Variants in NTSR1 observed in about 807,000 individuals in gnomAD.
The protein encoded by NTSR1 is neurotensin receptor type 1.
Under a neutral mutation model 31.2 loss-of-function variants are expected in NTSR1, and 29 were observed. The ratio of observed to expected loss-of-function variants is 0.93; its 90% CI spans 0.69 to 1.27. NTSR1 has a LOEUF of 1.27. NTSR1 is among the 50% of genes most tolerant of loss of function. The probability of loss-of-function intolerance (pLI) is 0.00; values close to 1 mark genes in which losing one functional copy is unlikely to be tolerated. For missense variants in NTSR1, 697 were observed against 595.4 expected (o/e 1.17, Z -1.78); for synonymous variants, 282 against 269.9 (o/e 1.04, Z -0.44).
intron 1 of NTSR1, among the ~76,000 whole-genome samples, chr20:62,747,541 A>G (rs1470033432): frequency 4.6e-5 from 7 of 151,614 alleles, no homozygotes; most frequent in Non-Finnish European, 1.0e-4. Context: ...TGACAGACCC[A>G]CAGCTAACAC....
rs773188430 is a variant in NTSR1 at position 62,738,649 on chromosome 20, G to A, written c.715-16036G>A. On this transcript the variant is annotated intron_variant, in intron 1 of 3. Coordinates refer to ENST00000370501, the MANE Select transcript of NTSR1 (RefSeq NM_002531.3). ...GTGGCCACAGGCCTCAGCCGTGCCT[G>A]TGTTGGCAGGGAGCCCTGTGCACTG... Among the ~76,000 whole-genome samples, 104 of 152,386 alleles carry A rather than the reference G, an allele frequency of 6.8e-4. 1 individual carries two copies. The highest frequency in any genetic ancestry group is 1.1e-3 in the Non-Finnish European group (74 of 68,034).
At chr20:62,753,019 G>A (rs1042329187) in intron 1 of NTSR1, among the ~76,000 whole-genome samples, 2 of 152,212 alleles carry the variant, frequency 1.3e-5, no homozygotes, top group Non-Finnish European at 2.9e-5. Flanking sequence ...CGAGCAAGGG[G>A]CGCTGGGCTG....
Position 62,744,552 on chromosome 20 carries a change from C to T in NTSR1, c.715-10133C>T, listed in dbSNP as rs1254041843. Among the ~76,000 whole-genome samples the T allele has an allele frequency of 5.2e-5, 7 of 135,754 alleles. No homozygotes were observed. Among genetic ancestry groups the T allele is most frequent in the African/African-American group, 1.7e-4 (6 of 34,704 alleles). 89.1% of individuals were successfully genotyped at this position (135,754 alleles called of 152,430 possible). ...CCTGGGTGACAGAACAAGACTCCGT[C>T]TCAAAAAAAAAAAAAAATACAAAAT... On this transcript the variant is annotated intron_variant, in intron 1 of 3. Transcript: ENST00000370501. The surrounding 1 kb of genome is among the most constrained non-coding windows in gnomAD (Gnocchi z 4.1).
At position 62,709,505 on chromosome 20, in the gene NTSR1, A is replaced by G; in HGVS notation, c.298A>G (p.Thr100Ala). The change falls in exon 1 of 4, where the codon ACG (threonine) becomes GCG (alanine). Residue 100 changes from threonine (T) to alanine (A), a missense_variant. Physicochemically the swap from Thr to Ala is moderately conservative, Grantham distance 58. Coordinates refer to ENST00000370501, the MANE Select transcript of NTSR1 (RefSeq NM_002531.3). ...RKKSLQSLQS[T>A]VHYHLGSLAL... is the part of the protein sequence containing the mutation. ...GAAGTCGCTGCAGAGCCTGCAGAGCACGGTGCATTACCACCTGGGCAGCCT... is the reference window on the plus strand; with the variant it reads ...GAAGTCGCTGCAGAGCCTGCAGAGCGCGGTGCATTACCACCTGGGCAGCCT... 1 of 1,612,566 alleles carries G rather than the reference A, an allele frequency of 6.2e-7. No individual in the cohort carries two copies. Among genetic ancestry groups the G allele is most frequent in the Non-Finnish European group, 8.5e-7 (1 of 1,179,856 alleles).
rs1989595923 is a variant in NTSR1 at position 62,760,284 on chromosome 20, C to T, written c.*17C>T. On this transcript the variant is annotated 3_prime_UTR_variant, in exon 4 of 4. Transcript: ENST00000370501. ...CTGTACTAGGCTGTGCGCCCCGGAA[C>T]GTGTCCAGGAGGAGCCTGGCCATGG... The T allele has an allele frequency of 3.1e-6, 5 of 1,590,412 alleles. No homozygotes were observed. The highest frequency in any genetic ancestry group is 2.2e-5 in the South Asian group (2 of 88,966).
In NTSR1 at chr20:62,741,170, G is replaced by GCT. The variant is rs1989199441; in HGVS notation, c.715-13515_715-13514insCT. On this transcript the variant is annotated intron_variant, in intron 1 of 3. Coordinates refer to ENST00000370501, the MANE Select transcript of NTSR1 (RefSeq NM_002531.3). The surrounding 1 kb of genome is among the most constrained non-coding windows in gnomAD (Gnocchi z 4.3). ...CTAAGGCCCTCTGGGCTAAGTCAGG[G>GCT]GTCTCCCGGCAGCCAGGCTGCTAAG... Among the ~76,000 whole-genome samples the GCT allele has an allele frequency of 1.3e-5, 2 of 150,740 alleles. No homozygotes were observed. Among genetic ancestry groups the GCT allele is most frequent in the East Asian group, 3.9e-4 (2 of 5,126 alleles).
intron 1 of NTSR1, among the ~76,000 whole-genome samples, chr20:62,749,224 G>A (rs188278539): frequency 1.1e-4 from 17 of 152,126 alleles, no homozygotes; most frequent in African/African-American, 4.1e-4. Flanking sequence ...GGCGGATCAC[G>A]AGGTCAGGAG....
chr20:62,754,039 C>G (rs895371873), intron 1 of NTSR1, among the ~76,000 whole-genome samples: 2 of 152,178 alleles, frequency 1.3e-5, no homozygotes, highest in African/African-American at 4.8e-5. Context: ...GTCCAGGACT[C>G]GGATCAGGTG....
At position 62,732,863 on chromosome 20, in the gene NTSR1, C is replaced by T. The variant is rs1989022427; in HGVS notation, c.715-21822C>T. 1 of 152,204 alleles carries T rather than the reference C, an allele frequency of 6.6e-6. No individual in the cohort carries two copies. The highest frequency in any genetic ancestry group is 2.4e-5 in the African/African-American group (1 of 41,424). 9.4% of individuals were successfully genotyped at this position (152,204 alleles called of 1,614,324 possible). A position where few individuals can be genotyped will look rare whatever the true frequency, so the allele number is the denominator to read the frequency against. On this transcript the variant is annotated intron_variant, in intron 1 of 3. Transcript: ENST00000370501. The surrounding 1 kb of genome is among the most constrained non-coding windows in gnomAD (Gnocchi z 4.0). ...CAGGCACGCTGGTTCCCCATCTGAC[C>T]CTCCGCTTGCTTTTCCTCGGGCTCT...
chr20:62,750,937 G>A (rs936335562), intron 1 of NTSR1, among the ~76,000 whole-genome samples: 8 of 152,112 alleles, frequency 5.3e-5, no homozygotes, highest in Admixed American at 2.6e-4. Flanking sequence ...GTGCAGTGGC[G>A]AAGTCATAGC....
At chr20:62,713,551 C>G (rs761717421) in intron 1 of NTSR1, among the ~76,000 whole-genome samples, 3 of 152,238 alleles carry the variant, frequency 2.0e-5, no homozygotes, top group African/African-American at 4.8e-5. Flanking sequence ...AGGCTGTGCC[C>G]AGCAACCTCC....
At position 62,715,073 on chromosome 20, in the gene NTSR1, T is replaced by TG. The variant is rs1284304390; in HGVS notation, c.714+5154dup. On this transcript the variant is annotated intron_variant, in intron 1 of 3. Transcript: ENST00000370501. The surrounding 1 kb of genome is among the most constrained non-coding windows in gnomAD (Gnocchi z 4.7). ...AAGATTGGTCTTAAGTCTGTAATCATGGAAAGTGAGTGTTGATGACATTTT... is the reference window on the plus strand; with the variant it reads ...AAGATTGGTCTTAAGTCTGTAATCATGGGAAAGTGAGTGTTGATGACATTTT... 6.6e-6 allele frequency among the ~76,000 whole-genome samples: 1 copy of TG among 152,186 alleles called. No homozygotes were observed. Among genetic ancestry groups the TG allele is most frequent in the Non-Finnish European group, 1.5e-5 (1 of 68,030 alleles).
chr20:62,719,991 T>G (rs1473441390), intron 1 of NTSR1, among the ~76,000 whole-genome samples: 9 of 152,130 alleles, frequency 5.9e-5, no homozygotes, highest in Non-Finnish European at 1.3e-4. Context: ...GTAGGAAGGT[T>G]TTTATAAATT....
chr20:62,718,648 C>G (rs1988778369), intron 1 of NTSR1, among the ~76,000 whole-genome samples: 1 of 151,526 alleles, frequency 6.6e-6, no homozygotes, highest in Non-Finnish European at 1.5e-5. Flanking sequence ...GCCTCTCGAG[C>G]CGGCCTTCTT....
chr20:62,715,414 C>T lies in NTSR1; in HGVS notation c.714+5493C>T, dbSNP rs536905726. Among the ~76,000 whole-genome samples the T allele has an allele frequency of 6.6e-6, 1 of 152,358 alleles. No individual in the cohort carries two copies. The highest frequency in any genetic ancestry group is 1.9e-4 in the East Asian group (1 of 5,188). On this transcript the variant is annotated intron_variant, in intron 1 of 3. Transcript: ENST00000370501. The surrounding 1 kb of genome is among the most constrained non-coding windows in gnomAD (Gnocchi z 4.7). ...TCACGTGGCTGGAGAGAGACAGGGC[C>T]TGGAGGTGCTCTCAGAAGGGAAGGC... is the stretch of plus-strand genomic sequence containing the variant.
chr20:62,713,450 C>T (rs538299065), intron 1 of NTSR1, among the ~76,000 whole-genome samples: 83 of 152,252 alleles, frequency 5.5e-4, no homozygotes, highest in African/African-American at 2.0e-3. Flanking sequence ...TGGCAGAATT[C>T]CGGGAAAGGA....
rs983904839 is a variant in NTSR1 at position 62,742,928 on chromosome 20, G to A, written c.715-11757G>A. On this transcript the variant is annotated intron_variant, in intron 1 of 3. Transcript: ENST00000370501. The surrounding 1 kb of genome is among the most constrained non-coding windows in gnomAD (Gnocchi z 7.1). ...GGTTCCTGTTCATCCCAGGGCACCTGTCACGGGACATACCCACAGCACAGG... is the reference window on the plus strand; with the variant it reads ...GGTTCCTGTTCATCCCAGGGCACCTATCACGGGACATACCCACAGCACAGG... Among the ~76,000 whole-genome samples, 21 of 149,618 alleles carry A rather than the reference G, an allele frequency of 1.4e-4. 1 individual carries two copies. The highest frequency in any genetic ancestry group is 3.5e-4 in the African/African-American group (14 of 40,034).
chr20:62,750,159 A>G (rs6011151), intron 1 of NTSR1, among the ~76,000 whole-genome samples: 13,406 of 152,220 alleles, frequency 0.088, 788 homozygotes, highest in African/African-American at 0.17. Context: ...TAGCCGCAAC[A>G]AACCTGGGGG....
chr20:62,735,918 C>T (rs1989083763), intron 1 of NTSR1, among the ~76,000 whole-genome samples: 1 of 152,234 alleles, frequency 6.6e-6, no homozygotes, highest in African/African-American at 2.4e-5. Flanking sequence ...CTCACGGGTT[C>T]AGCACTTTCT....
Sources: allele counts gnomAD v4.1 joint callset (sites outside exome capture counted in the v4.1 genomes callset), GRCh38; gene constraint gnomAD v4.1.1; non-coding constraint Gnocchi (gnomAD v3.1); transcripts MANE v1.5; gene names NCBI Gene and HGNC (gene_info 2026-07-23, HGNC 2026-07-21).